Variants in RAP1GAP2 observed in about 807,000 individuals in gnomAD.
RAP1GAP2 encodes RAP1 GTPase activating protein 2.
A neutral mutation model predicts 95.0 loss-of-function variants in RAP1GAP2; 27 were observed. The ratio of observed to expected loss-of-function variants is 0.28; its 90% CI spans 0.21 to 0.39. The LOEUF (loss-of-function observed/expected upper bound fraction) is 0.39, where lower values mean the gene tolerates loss of function less well. RAP1GAP2 is among the 10% of genes least tolerant of loss of function. RAP1GAP2 has a pLI of 1.00. For missense variants in RAP1GAP2, 771 were observed against 970.0 expected (o/e 0.79, Z 2.72); for synonymous variants, 373 against 380.9 (o/e 0.98, Z 0.24).
At chr17:2,946,786 G>C (rs529462730) in intron 3 of RAP1GAP2, among the ~76,000 whole-genome samples, 5 of 152,178 alleles carry the variant, frequency 3.3e-5, no homozygotes, top group Non-Finnish European at 2.9e-5. Context: ...ACAGAGTTTT[G>C]CTCCTTCGCC....
At chr17:2,927,795 G>C (rs954687670) in intron 3 of RAP1GAP2, among the ~76,000 whole-genome samples, 37 of 152,156 alleles carry the variant, frequency 2.4e-4, no homozygotes, top group African/African-American at 8.4e-4. Context: ...AACGCTAGCC[G>C]GCCCACCGCA....
At chr17:2,777,811 C>T (rs1458433836) in intron 1 of RAP1GAP2, among the ~76,000 whole-genome samples, 4 of 152,146 alleles carry the variant, frequency 2.6e-5, no homozygotes, top group African/African-American at 9.7e-5. Flanking sequence ...GGTGCCAGGG[C>T]TCTTGGGTTC....
chr17:2,757,570 G>A (rs1597256925), intron 1 of RAP1GAP2, among the ~76,000 whole-genome samples: 1 of 152,120 alleles, frequency 6.6e-6, no homozygotes, highest in Non-Finnish European at 1.5e-5. Flanking sequence ...ATGACATCAT[G>A]GGAACTGGGC....
chr17:2,949,583 C>T (rs2043840046), intron 3 of RAP1GAP2, among the ~76,000 whole-genome samples: 1 of 152,020 alleles, frequency 6.6e-6, no homozygotes, highest in Non-Finnish European at 1.5e-5. Context: ...GCTGTGTGCC[C>T]TGAGCATTAA....
At chr17:2,776,074 C>G (rs1485868812), upstream of RAP1GAP2, among the ~76,000 whole-genome samples, 1 of 152,214 alleles carries the variant, frequency 6.6e-6, no homozygotes, top group Admixed American at 6.5e-5. Flanking sequence ...AGCTACTCGG[C>G]AGGCTGAGGC....
chr17:2,886,418 C>T (rs2073507471), intron 2 of RAP1GAP2, among the ~76,000 whole-genome samples: 1 of 152,170 alleles, frequency 6.6e-6, no homozygotes, highest in African/African-American at 2.4e-5. Context: ...GGTGATCCAC[C>T]TGTCCTGGCC....
intron 3 of RAP1GAP2, among the ~76,000 whole-genome samples, chr17:2,908,490 C>CA (rs545465697): frequency 6.6e-6 from 1 of 152,012 alleles, no homozygotes; most frequent in Non-Finnish European, 1.5e-5. Context: ...CTGCAGGATC[C>CA]AGGGGAAGAG....
chr17:2,786,039 T>C (rs2068764820), intron 1 of RAP1GAP2, among the ~76,000 whole-genome samples: 1 of 151,928 alleles, frequency 6.6e-6, no homozygotes, highest in Non-Finnish European at 1.5e-5. Flanking sequence ...GTAGCTGGGA[T>C]TACAGGCATG....
At chr17:2,929,758 A>G (rs912118881) in intron 3 of RAP1GAP2, among the ~76,000 whole-genome samples, 1 of 152,028 alleles carries the variant, frequency 6.6e-6, no homozygotes, top group African/African-American at 2.4e-5. Flanking sequence ...TCCTGGGTAC[A>G]CTGTTTTCCA....
chr17:2,882,033 G>A (rs1204933239), intron 2 of RAP1GAP2, among the ~76,000 whole-genome samples: 1 of 151,228 alleles, frequency 6.6e-6, no homozygotes, highest in Non-Finnish European at 1.5e-5. Context: ...TGTTAGCCAG[G>A]ATGGCCTCGA....
intron 1 of RAP1GAP2, among the ~76,000 whole-genome samples, chr17:2,764,952 A>T (rs2068246791): frequency 6.6e-6 from 1 of 151,914 alleles, no homozygotes; most frequent in East Asian, 1.9e-4. Context: ...ATTCTGAGGA[A>T]CCCAACGATG....
At chr17:3,012,775 G>A (rs566386954) in intron 17 of RAP1GAP2, among the ~76,000 whole-genome samples, 3 of 152,228 alleles carry the variant, frequency 2.0e-5, no homozygotes, top group East Asian at 3.9e-4. Context: ...GGAGTCTTGC[G>A]AGAACAGCTT....
intron 1 of RAP1GAP2, among the ~76,000 whole-genome samples, chr17:2,781,724 CTGTG>C (rs926735522): frequency 4.9e-5 from 7 of 142,270 alleles, no homozygotes; most frequent in Non-Finnish European, 9.1e-5. Flanking sequence ...GAGCACGTCT[CTGTG>C]TGTGCACGTC....
At chr17:3,013,822 G>A (rs1204679240) in intron 17 of RAP1GAP2, among the ~76,000 whole-genome samples, 3 of 151,724 alleles carry the variant, frequency 2.0e-5, no homozygotes, top group Non-Finnish European at 4.4e-5. Context: ...GTGGGCTTGG[G>A]CAATAATTTA....
At chr17:2,772,060 G>A (rs1444426090), upstream of RAP1GAP2, among the ~76,000 whole-genome samples, 1 of 152,004 alleles carries the variant, frequency 6.6e-6, no homozygotes, top group East Asian at 1.9e-4. Flanking sequence ...CATGATCTTG[G>A]CTCACTGCAG....
rs56791699 is a variant in RAP1GAP2 at position 3,017,916 on chromosome 17, C to CGTGTGTGT, written c.1495-120_1495-113dup. ...AGTAACTAGTATGGGCCTCTGTGACCGTGTGTGTGTGTGTGTGTGTGTGTG... is the reference window on the plus strand; with the variant it reads ...AGTAACTAGTATGGGCCTCTGTGACCGTGTGTGTGTGTGTGTGTGTGTGTGTGTGTGTG... On this transcript the variant is annotated intron_variant, in intron 17 of 24. Coordinates refer to ENST00000254695, the MANE Select transcript of RAP1GAP2 (RefSeq NM_015085.5). The CGTGTGTGT allele has an allele frequency of 3.1e-3, 1,768 of 562,088 alleles. 7 individuals carry two copies. The highest frequency in any genetic ancestry group is 0.015 in the African/African-American group (702 of 48,238). 34.8% of individuals were successfully genotyped at this position (562,088 alleles called of 1,614,324 possible). A position where few individuals can be genotyped will look rare whatever the true frequency, so the allele number is the denominator to read the frequency against.
chr17:2,811,180 G>A (rs1312069762), intron 2 of RAP1GAP2, among the ~76,000 whole-genome samples: 2 of 152,096 alleles, frequency 1.3e-5, no homozygotes, highest in African/African-American at 2.4e-5. Flanking sequence ...GCTATATTTG[G>A]GATTCCTCAC....
chr17:2,792,128 G>A (rs914933567), upstream of RAP1GAP2, among the ~76,000 whole-genome samples: 8 of 152,136 alleles, frequency 5.3e-5, no homozygotes, highest in African/African-American at 1.9e-4. Context: ...CCAAAGTGCT[G>A]GGATTACAGG....
At chr17:2,915,585 G>A (rs903056366) in intron 3 of RAP1GAP2, among the ~76,000 whole-genome samples, 4 of 152,202 alleles carry the variant, frequency 2.6e-5, no homozygotes, top group African/African-American at 9.7e-5. Flanking sequence ...TAATTTTGAA[G>A]AAGTCTAATT....
Sources: gnomAD v4.1 joint callset for allele counts (sites outside exome capture counted in the v4.1 genomes callset) on GRCh38, gnomAD v4.1.1 for gene constraint, MANE v1.5 for transcripts, NCBI Gene and HGNC (gene_info 2026-07-23, HGNC 2026-07-21) for gene names.